Variants in AGAP1 observed in about 807,000 individuals in gnomAD.
The protein encoded by AGAP1 is arf-GAP with GTPase, ANK repeat and PH domain-containing protein 1.
Under a neutral mutation model 105.3 loss-of-function variants are expected in AGAP1, and 29 were observed. The ratio of observed to expected loss-of-function variants is 0.28; its 90% confidence interval spans 0.21 to 0.38. The LOEUF (loss-of-function observed/expected upper bound fraction) is 0.38. Among genes scored for constraint, AGAP1 ranks in the 10% least tolerant of loss-of-function variants. The pLI is 1.00. For missense variants in AGAP1, 998 were observed against 1,165.1 expected (o/e 0.86, Z 2.09); for synonymous variants, 509 against 485.9 (o/e 1.05, Z -0.63).
intron 8 of AGAP1, among the ~76,000 whole-genome samples, chr2:235,802,174 G>A (rs957292156): frequency 1.3e-5 from 2 of 152,140 alleles, no homozygotes; most frequent in African/African-American, 2.4e-5. Context: ...AAGGGAAAGC[G>A]ATTTAGGGTG....
At position 236,000,093 on chromosome 2, in the gene AGAP1, G is replaced by A. The variant is rs941514172; in HGVS notation, c.1645+31470G>A. Among the ~76,000 whole-genome samples the A allele has an allele frequency of 2.0e-5, 3 of 152,118 alleles. No individual in the cohort carries two copies. Among genetic ancestry groups the A allele is most frequent in the Non-Finnish European group, 4.4e-5 (3 of 68,032 alleles). The stretch of plus-strand genomic sequence containing the variant: ...GGTTTGTTTGTTAGTAGCCATAACC[G>A]TGCAGCATCCATCGGGAGGACACAC... On this transcript the variant is annotated intron_variant, in intron 13 of 17. Coordinates refer to ENST00000304032, the MANE Select transcript of AGAP1 (RefSeq NM_001037131.3). The surrounding 1 kb of genome is among the most constrained non-coding windows in gnomAD (Gnocchi z 4.3).
rs141172253 is a variant in AGAP1, at chr2:235,515,718, C to T, written c.163+20869C>T. 5.0e-4 allele frequency among the ~76,000 whole-genome samples: 76 copies of T among 152,318 alleles called. 1 individual carries two copies. The highest frequency in any genetic ancestry group is 1.7e-3 in the African/African-American group (69 of 41,574). On this transcript the variant is annotated intron_variant, in intron 1 of 17. Coordinates refer to ENST00000304032, the MANE Select transcript of AGAP1 (RefSeq NM_001037131.3). ...ATGTGTTCATTGGTGACTTTTGACACGGATGCTAACCTGTAAGATGTGCAG... is the reference window on the plus strand; with the variant it reads ...ATGTGTTCATTGGTGACTTTTGACATGGATGCTAACCTGTAAGATGTGCAG...
rs943012331 is a variant in AGAP1, at chr2:235,830,506, G to C, written c.1050+23175G>C. Reference sequence around the variant, plus strand: ...TCCCATCAGAAAGCCTCTGATAGAGGGTGCCCTCTCATCAGGTCCGTGTGC... The same window carrying C: ...TCCCATCAGAAAGCCTCTGATAGAGCGTGCCCTCTCATCAGGTCCGTGTGC... On this transcript the variant is annotated intron_variant, in intron 9 of 17. Transcript: ENST00000304032. This position sits in a 1 kb window ranked among gnomAD's most constrained non-coding sequence, Gnocchi z 5.5. Among the ~76,000 whole-genome samples, 1 of 152,014 alleles carries C rather than the reference G, an allele frequency of 6.6e-6. No homozygotes were observed. The highest frequency in any genetic ancestry group is 1.5e-5 in the Non-Finnish European group (1 of 68,016).
intron 9 of AGAP1, among the ~76,000 whole-genome samples, chr2:235,844,038 C>T (rs1422901697): frequency 6.6e-6 from 1 of 150,766 alleles, no homozygotes; most frequent in Non-Finnish European, 1.5e-5. Flanking sequence ...CAAAGGACCA[C>T]CCAGGCTCAG....
intron 10 of AGAP1, among the ~76,000 whole-genome samples, chr2:235,885,766 C>T (rs1420803567): frequency 6.6e-6 from 1 of 152,178 alleles, no homozygotes; most frequent in Non-Finnish European, 1.5e-5. Context: ...GCAGGTCTTC[C>T]GTCGGCATCT....
At chr2:236,102,661 G>A (rs1032626215) in intron 16 of AGAP1, among the ~76,000 whole-genome samples, 2 of 151,948 alleles carry the variant, frequency 1.3e-5, no homozygotes, top group Non-Finnish European at 2.9e-5. Flanking sequence ...GTTAAATGCC[G>A]AGTGGGTAAA....
chr2:235,807,063 G>A (rs1362250529), intron 8 of AGAP1, among the ~76,000 whole-genome samples, 176 bp from the exon 9 acceptor site: 2 of 152,238 alleles, frequency 1.3e-5, no homozygotes, highest in African/African-American at 4.8e-5. Context: ...CTTTAAAAAT[G>A]ATGAGTCAGT....
chr2:235,631,619 T>G lies in AGAP1; in HGVS notation c.164-77560T>G, dbSNP rs1946832249. Among the ~76,000 whole-genome samples the G allele has an allele frequency of 6.6e-6, 1 of 152,236 alleles. No homozygotes were observed. Among genetic ancestry groups the G allele is most frequent in the African/African-American group, 2.4e-5 (1 of 41,472 alleles). Reference sequence around the variant, plus strand: ...CTGCTTTTTGCTTCTTCCCTGGGCTTGCTTTCCGTGTGATTCTGGGCAAGT... The same window carrying G: ...CTGCTTTTTGCTTCTTCCCTGGGCTGGCTTTCCGTGTGATTCTGGGCAAGT... On this transcript the variant is annotated intron_variant, in intron 1 of 17. Transcript: ENST00000304032. This position sits in a 1 kb window ranked among gnomAD's most constrained non-coding sequence, Gnocchi z 5.4.
chr2:236,124,138 G>C lies in AGAP1; in HGVS notation c.*16G>C, dbSNP rs187817029. 1 of 1,610,658 alleles carries C rather than the reference G, an allele frequency of 6.2e-7. No homozygotes were observed. The highest frequency in any genetic ancestry group is 1.1e-5 in the South Asian group (1 of 90,984). On this transcript the variant is annotated 3_prime_UTR_variant, in exon 18 of 18. Transcript: ENST00000304032. This position sits in a 1 kb window ranked among gnomAD's most constrained non-coding sequence, Gnocchi z 5.1. ...CATCATCTGAGGAACAGCCGTGCCC[G>C]CCTGCTCGCCGCACCTGGGACGCGG...
chr2:235,943,262 C>T (rs1011162893), intron 12 of AGAP1, among the ~76,000 whole-genome samples: 17 of 152,068 alleles, frequency 1.1e-4, no homozygotes, highest in Non-Finnish European at 2.5e-4. Flanking sequence ...ACTTTGTCAA[C>T]TGTTAGAATA....
Position 235,995,065 on chromosome 2 carries a change from CAAAAAAAAAAAAA to C in AGAP1, c.1645+26459_1645+26471del, listed in dbSNP as rs58097220. ...AGGGAGACAGTACAAGACTCTGTCT[CAAAAAAAAAAAAA>C]AAAAAAAAAAAAAAAACAGAATAAG... On this transcript the variant is annotated intron_variant, in intron 13 of 17. Coordinates refer to ENST00000304032, the MANE Select transcript of AGAP1 (RefSeq NM_001037131.3). Among the ~76,000 whole-genome samples, 92 of 60,964 alleles carry C rather than the reference CAAAAAAAAAAAAA, an allele frequency of 1.5e-3. 1 individual carries two copies. Among genetic ancestry groups the C allele is most frequent in the South Asian group, 9.8e-3 (11 of 1,120 alleles). 40.0% of individuals were successfully genotyped at this position (60,964 alleles called of 152,430 possible).
intron 1 of AGAP1, among the ~76,000 whole-genome samples, chr2:235,643,431 C>CAAAA (rs56146940): frequency 0.012 from 743 of 60,742 alleles, no homozygotes; most frequent in Non-Finnish European, 0.017. Flanking sequence ...GACTGGGTCT[C>CAAAA]AAAAAAAAAA....
rs111363804 is a variant in AGAP1 at position 235,599,584 on chromosome 2, G to GAGAACTGCGC, written c.163+104744_163+104745insCAGAACTGCG. 0.41 allele frequency among the ~76,000 whole-genome samples: 62,215 copies of GAGAACTGCGC among 151,544 alleles called. 16,243 individuals are homozygous for GAGAACTGCGC. Among genetic ancestry groups the GAGAACTGCGC allele is most frequent in the African/African-American group, 0.74 (30,499 of 41,112 alleles). ...TGTCCAGAATGGTCACTCTGCTTTGGAGAACTGCGGATCCCCTGCCATGGC... is the reference window on the plus strand; with the variant it reads ...TGTCCAGAATGGTCACTCTGCTTTGGAGAACTGCGCAGAACTGCGGATCCCCTGCCATGGC... On this transcript the variant is annotated intron_variant, in intron 1 of 17. Coordinates refer to ENST00000304032, the MANE Select transcript of AGAP1 (RefSeq NM_001037131.3). The surrounding 1 kb of genome is among the most constrained non-coding windows in gnomAD (Gnocchi z 5.3).
At chr2:235,500,338 G>A (rs967049487) in intron 1 of AGAP1, among the ~76,000 whole-genome samples, 1 of 151,898 alleles carries the variant, frequency 6.6e-6, no homozygotes, top group African/African-American at 2.4e-5. Flanking sequence ...ACAGATTGCC[G>A]GCCCCTCCCA....
chr2:236,067,743 C>T (rs139769312), intron 16 of AGAP1, among the ~76,000 whole-genome samples: 15 of 152,296 alleles, frequency 9.8e-5, no homozygotes, highest in African/African-American at 3.6e-4. Flanking sequence ...ACAGACGTTC[C>T]GCACATCCTT....
At chr2:235,928,013 T>TA (rs1477268318) in intron 11 of AGAP1, among the ~76,000 whole-genome samples, 1 of 152,202 alleles carries the variant, frequency 6.6e-6, no homozygotes, top group Non-Finnish European at 1.5e-5. Context: ...CTTATCATCT[T>TA]ACCTACACAG....
rs557655114 is a variant in AGAP1, at chr2:236,001,366, C to G, written c.1645+32743C>G. 2.0e-5 allele frequency among the ~76,000 whole-genome samples: 3 copies of G among 152,296 alleles called. No homozygotes were observed. The highest frequency in any genetic ancestry group is 2.0e-4 in the Admixed American group (3 of 15,306). On this transcript the variant is annotated intron_variant, in intron 13 of 17. Coordinates refer to ENST00000304032, the MANE Select transcript of AGAP1 (RefSeq NM_001037131.3). The surrounding 1 kb of genome is among the most constrained non-coding windows in gnomAD (Gnocchi z 4.7). The stretch of plus-strand genomic sequence containing the variant: ...TTGTGGCAGGTGCAGGCCGCTAGTG[C>G]CCCCCACCCAGTCTCTGTGTCCTCT...
intron 1 of AGAP1, among the ~76,000 whole-genome samples, chr2:235,686,556 T>TACACACACACAC (rs10700794): frequency 3.0e-4 from 31 of 101,872 alleles, no homozygotes; most frequent in African/African-American, 1.1e-3. Context: ...GATATATATA[T>TACACACACACAC]ACACACACAC....
intron 13 of AGAP1, among the ~76,000 whole-genome samples, chr2:235,969,992 A>C (rs532560698): frequency 6.6e-6 from 1 of 152,100 alleles, no homozygotes; most frequent in African/African-American, 2.4e-5. Context: ...ACCTGACGTC[A>C]GGAGTTTGAG....
Sources: gnomAD v4.1 joint callset for allele counts (sites outside exome capture counted in the v4.1 genomes callset) on GRCh38, gnomAD v4.1.1 for gene constraint, Gnocchi (gnomAD v3.1) non-coding constraint, MANE v1.5 for transcripts, NCBI Gene and HGNC (gene_info 2026-07-23, HGNC 2026-07-21) for gene names.